The following FAM107B variants were observed in gnomAD, a reference collection of about 807,000 sequenced individuals.
FAM107B encodes the protein protein FAM107B.
A neutral mutation model predicts 31.5 loss-of-function variants in FAM107B; 21 were observed. That is an observed-to-expected ratio of 0.67 (90% CI 0.47 to 0.96). FAM107B has a LOEUF of 0.96. FAM107B is among the 40% of genes least tolerant of loss of function. The probability of loss-of-function intolerance (pLI) is 0.00; values close to 1 mark genes in which losing one functional copy is unlikely to be tolerated. For synonymous variants in FAM107B, 157 were observed against 141.5 expected, an observed-to-expected ratio of 1.11 and a Z score of -0.78; for missense variants, 452 against 377.1, an observed-to-expected ratio of 1.20 and a Z score of -1.64.
At chr10:14,672,178 T>A (rs187280515) in intron 1 of FAM107B, among the ~76,000 whole-genome samples, 43 of 151,868 alleles carry the variant, frequency 2.8e-4, no homozygotes, top group Admixed American at 5.2e-4. Flanking sequence ...AGCCTCCACC[T>A]TCCAGGTTCA....
chr10:14,634,254 GC>G (rs997927520), intron 2 of FAM107B, among the ~76,000 whole-genome samples: 1 of 151,924 alleles, frequency 6.6e-6, no homozygotes, highest in African/African-American at 2.4e-5. Flanking sequence ...AAAAAAATTA[GC>G]CAGGCGTGGT....
At chr10:14,606,420 A>T (rs965749626) in intron 2 of FAM107B, among the ~76,000 whole-genome samples, 2 of 152,122 alleles carry the variant, frequency 1.3e-5, no homozygotes, top group African/African-American at 4.8e-5. Context: ...GTGAGCCCAG[A>T]GTTGATGCTT....
chr10:14,550,519 G>A (rs112234614), intron 2 of FAM107B, among the ~76,000 whole-genome samples: 3,372 of 152,256 alleles, frequency 0.022, 66 homozygotes, highest in East Asian at 0.09. Flanking sequence ...ACACCATCGA[G>A]GGATTTAAAT....
intron 1 of FAM107B, among the ~76,000 whole-genome samples, chr10:14,753,813 T>C (rs1832875824): frequency 6.6e-6 from 1 of 152,178 alleles, no homozygotes; most frequent in African/African-American, 2.4e-5. Context: ...AAGTATTTTA[T>C]GATTTGTTTC....
At chr10:14,583,346 T>C (rs962182994) in intron 2 of FAM107B, among the ~76,000 whole-genome samples, 3 of 151,654 alleles carry the variant, frequency 2.0e-5, no homozygotes, top group African/African-American at 7.3e-5. Flanking sequence ...CGGGGCAGAG[T>C]CGGAGATGAA....
chr10:14,609,539 T>A (rs1852675749), intron 2 of FAM107B, among the ~76,000 whole-genome samples: 1 of 152,304 alleles, frequency 6.6e-6, no homozygotes, highest in East Asian at 1.9e-4. Context: ...GTCAGCAGTG[T>A]CTCAGCAAAT....
intron 1 of FAM107B, among the ~76,000 whole-genome samples, chr10:14,679,525 T>C (rs1271034313): frequency 6.6e-6 from 1 of 152,208 alleles, no homozygotes. Context: ...ATCACTGTGA[T>C]TGTGAGATAG....
intron 1 of FAM107B, among the ~76,000 whole-genome samples, chr10:14,754,521 A>G (rs1037533751): frequency 3.9e-5 from 6 of 152,202 alleles, no homozygotes; most frequent in Admixed American, 2.6e-4. Context: ...TCTCTCTTCC[A>G]GCTGAACGAG....
chr10:14,548,636 G>C (rs1460308653), intron 2 of FAM107B: 19 of 985,350 alleles, frequency 1.9e-5, no homozygotes, highest in Non-Finnish European at 2.3e-5. Context: ...CTCTCCAGCT[G>C]CGAAGGCAGG....
In FAM107B at chr10:14,641,781, TG is replaced by T. The variant is rs995307725; in HGVS notation, c.469+25852del. 5.6e-4 allele frequency among the ~76,000 whole-genome samples: 86 copies of T among 152,300 alleles called. 3 individuals carry two copies. Among genetic ancestry groups the T allele is most frequent in the Admixed American group, 5.0e-3 (77 of 15,292 alleles). ...AGGGCTTCCACATATGAATTTGTGG[TG>T]GGGCAGGAGGGAGACATAATTCAGT... On this transcript the variant is annotated intron_variant, in intron 2 of 4. Coordinates refer to ENST00000181796, the MANE Select transcript of FAM107B (RefSeq NM_031453.4).
chr10:14,727,299 C>A (rs1856059025), intron 1 of FAM107B, among the ~76,000 whole-genome samples: 1 of 152,200 alleles, frequency 6.6e-6, no homozygotes, highest in African/African-American at 2.4e-5. Context: ...TACACTCTGA[C>A]TTTTCCCTAA....
intron 1 of FAM107B, among the ~76,000 whole-genome samples, chr10:14,702,005 AC>A (rs1822606833): frequency 6.6e-6 from 1 of 152,266 alleles, no homozygotes; most frequent in Non-Finnish European, 1.5e-5. Context: ...ATAGCTGCCC[AC>A]CCAAAAAACA....
intron 2 of FAM107B, among the ~76,000 whole-genome samples, chr10:14,579,994 C>T (rs1297739630): frequency 6.8e-6 from 1 of 148,028 alleles, no homozygotes; most frequent in Non-Finnish European, 1.5e-5. Flanking sequence ...TACACTCCAG[C>T]ATGTGTTACA....
chr10:14,570,239 T>TGG (rs1479804621), intron 2 of FAM107B, among the ~76,000 whole-genome samples: 1 of 141,078 alleles, frequency 7.1e-6, no homozygotes, highest in Non-Finnish European at 1.6e-5. Context: ...GGTGGGTGTG[T>TGG]GTGTGTGTGT....
At chr10:14,671,929 T>G (rs1854567100) in intron 1 of FAM107B, among the ~76,000 whole-genome samples, 1 of 148,802 alleles carries the variant, frequency 6.7e-6, no homozygotes, top group South Asian at 2.1e-4. Flanking sequence ...TAAATCAAAC[T>G]GATTCCTATC....
intron 2 of FAM107B, among the ~76,000 whole-genome samples, chr10:14,616,123 C>A (rs890918371): frequency 1.3e-5 from 2 of 152,036 alleles, no homozygotes; most frequent in Non-Finnish European, 2.9e-5. Flanking sequence ...AGGACAGTGG[C>A]TTTTTAAAAA....
intron 2 of FAM107B, among the ~76,000 whole-genome samples, chr10:14,659,018 A>G (rs1854149245): frequency 6.6e-6 from 1 of 152,258 alleles, no homozygotes; most frequent in South Asian, 2.1e-4. Flanking sequence ...CTGAAAACAA[A>G]GACCCAACAG....
At chr10:14,666,711 C>G (rs981154041) in intron 2 of FAM107B, among the ~76,000 whole-genome samples, 3 of 152,068 alleles carry the variant, frequency 2.0e-5, no homozygotes, top group Admixed American at 2.0e-4. Context: ...GGAAGAGGCA[C>G]TAAATTAAAG....
chr10:14,686,705 C>T (rs970906178), intron 1 of FAM107B, among the ~76,000 whole-genome samples: 1 of 152,174 alleles, frequency 6.6e-6, no homozygotes, highest in African/African-American at 2.4e-5. Flanking sequence ...TTTCCTGAGG[C>T]TTGAGTCAGC....
Sources: gnomAD v4.1 joint callset for allele counts (sites outside exome capture counted in the v4.1 genomes callset) on GRCh38, gnomAD v4.1.1 for gene constraint, MANE v1.5 for transcripts, NCBI Gene and HGNC (gene_info 2026-07-23, HGNC 2026-07-21) for gene names.